The following VTI1B variants were observed in gnomAD, a reference collection of about 807,000 sequenced individuals.
VTI1B encodes the protein vesicle transport through interaction with t-SNAREs homolog 1B.
A neutral mutation model predicts 28.6 loss-of-function variants in VTI1B; 18 were observed. The ratio of observed to expected loss-of-function variants is 0.63; its 90% CI spans 0.43 to 0.93. The LOEUF (loss-of-function observed/expected upper bound fraction) is 0.93. VTI1B is among the 40% of genes least tolerant of loss of function. The pLI is 0.00. For missense variants in VTI1B, 283 were observed against 297.0 expected (o/e 0.95, Z 0.35); for synonymous variants, 100 against 107.9 (o/e 0.93, Z 0.46).
At chr14:67,656,044 G>A (rs11628860) in intron 4 of VTI1B, among the ~76,000 whole-genome samples, 19,389 of 151,950 alleles carry the variant, frequency 0.13, 1,292 homozygotes, top group East Asian at 0.22. Context: ...TTAGGAGTTC[G>A]AGACCAGCCT....
At chr14:67,659,709 A>G in intron 3 of VTI1B, 22 bp downstream of exon 3, 2 of 1,570,570 alleles carry the variant, frequency 1.3e-6, no homozygotes, top group Non-Finnish European at 1.7e-6. Flanking sequence ...AAAAAAAAAC[A>G]AACAAAACAG....
At chr14:67,663,001 T>A (rs2037358598) in intron 1 of VTI1B, 1 of 1,408,290 alleles carries the variant, frequency 7.1e-7, no homozygotes, top group African/African-American at 1.5e-5. Flanking sequence ...CGTACACTAC[T>A]TTTCTGCAAA....
At chr14:67,655,304 G>A (rs2037241299) in intron 4 of VTI1B, among the ~76,000 whole-genome samples, 1 of 152,090 alleles carries the variant, frequency 6.6e-6, no homozygotes, top group Non-Finnish European at 1.5e-5. Flanking sequence ...TCCAGCCTGG[G>A]TGACAGAGCA....
chr14:67,674,307 G>A (rs763879519), intron 1 of VTI1B, 68 bp downstream of exon 1: 139 of 1,395,422 alleles, frequency 1.0e-4, no homozygotes, highest in Non-Finnish European at 1.2e-4. Flanking sequence ...TGGGAGGAAG[G>A]TGGGAGAATC....
In VTI1B at chr14:67,655,705, G is replaced by C. The variant is rs549066302; in HGVS notation, c.540+711C>G. On this transcript the variant is annotated intron_variant, in intron 4 of 5. Coordinates refer to ENST00000554659, the MANE Select transcript of VTI1B (RefSeq NM_006370.3). ...GTAAGAATAGCAGAATACCCTATTA[G>C]ATGTGTGAGAAATTAAAATCTCAGA... Among the ~76,000 whole-genome samples, 9 of 152,294 alleles carry C rather than the reference G, an allele frequency of 5.9e-5. No individual in the cohort carries two copies. The South Asian group carries it at 1.9e-3, about 32-fold the overall frequency.
chr14:67,674,481 G>A lies in VTI1B; in HGVS notation c.9C>T (p.Ser3=). The change falls in exon 1 of 6, where the codon TCC becomes TCT. Residue 3 remains serine, a synonymous_variant. Coordinates refer to ENST00000554659, the MANE Select transcript of VTI1B (RefSeq NM_006370.3). MA[S]SAASSEHFEK... ...CGAAATGCTCCGAGGAGGCGGCGGA[G>A]GAGGCCATGGCGCAGGCCGCGCTGG... is the stretch of plus-strand genomic sequence containing the variant. 1 of 1,604,906 alleles carries A rather than the reference G, an allele frequency of 6.2e-7. No homozygotes were observed. Among genetic ancestry groups the A allele is most frequent in the Non-Finnish European group, 8.5e-7 (1 of 1,176,982 alleles).
chr14:67,654,594 A>G (rs1231951774), intron 4 of VTI1B, among the ~76,000 whole-genome samples: 1 of 152,186 alleles, frequency 6.6e-6, no homozygotes, highest in Non-Finnish European at 1.5e-5. Flanking sequence ...CTTAATGGAG[A>G]ACTGAAGCTA....
intron 5 of VTI1B, among the ~76,000 whole-genome samples, chr14:67,651,989 C>T (rs539227634): frequency 2.0e-5 from 3 of 152,322 alleles, no homozygotes; most frequent in African/African-American, 7.2e-5. Flanking sequence ...CATAAAGAAT[C>T]CAACCTCTGG....
Position 67,650,324 on chromosome 14 carries a change from C to T in VTI1B, c.*1061G>A, listed in dbSNP as rs564027459. ...ATTTCCTCTGCCTTCATACTTGATT[C>T]ATTTCCAGGCAGGCATCTGGAAGGT... is the stretch of plus-strand genomic sequence containing the variant. On this transcript the variant is annotated 3_prime_UTR_variant, in exon 6 of 6. Coordinates refer to ENST00000554659, the MANE Select transcript of VTI1B (RefSeq NM_006370.3). 1 of 246,106 alleles carries T rather than the reference C, an allele frequency of 4.1e-6. No individual in the cohort carries two copies. The highest frequency in any genetic ancestry group is 5.1e-5 in the Admixed American group (1 of 19,634). 15.2% of individuals were successfully genotyped at this position (246,106 alleles called of 1,614,324 possible).
chr14:67,650,453 T>C lies in VTI1B; in HGVS notation c.*932A>G. ...CCTTTTCCAGAACGCCTGACAATTA[T>C]GCCTGTTATGTTAGTTGAACAGGGA... On this transcript the variant is annotated 3_prime_UTR_variant, in exon 6 of 6. Transcript: ENST00000554659. 4.3e-6 allele frequency: 2 copies of C among 465,862 alleles called. No homozygotes were observed. The highest frequency in any genetic ancestry group is 2.8e-5 in the South Asian group (1 of 36,280). The allele number at this position is 465,862 out of a possible 1,614,324, so 28.9% of individuals were successfully genotyped here.
chr14:67,653,192 T>C (rs2037210087), intron 5 of VTI1B, among the ~76,000 whole-genome samples: 1 of 152,202 alleles, frequency 6.6e-6, no homozygotes, highest in South Asian at 2.1e-4. Context: ...AGTGGAGAAA[T>C]TTTTCACTGC....
rs1379752565 is a variant in VTI1B, at chr14:67,667,771, T to C, written c.116-5236A>G. Among the ~76,000 whole-genome samples the C allele has an allele frequency of 2.6e-5, 4 of 152,014 alleles. No individual in the cohort carries two copies. In the South Asian group the frequency reaches 6.2e-4, roughly 24 times the overall value. On this transcript the variant is annotated intron_variant, in intron 1 of 5. Transcript: ENST00000554659. The stretch of plus-strand genomic sequence containing the variant: ...CATCCTGGGTGACACAGTGAAACCC[T>C]GTCTCTACTAAAAATACAAAAACTT...
At position 67,647,837 on chromosome 14, in the gene VTI1B, G is replaced by C; in HGVS notation, c.*3548C>G. The C allele has an allele frequency of 1.8e-6, 1 of 568,090 alleles. No homozygotes were observed. The allele number at this position is 568,090 out of a possible 1,614,324, so 35.2% of individuals were successfully genotyped here. A position where few individuals can be genotyped will look rare whatever the true frequency, so the allele number is the denominator to read the frequency against. The stretch of plus-strand genomic sequence containing the variant: ...TCTGAGGTATGCAGAACAAATGGCA[G>C]TATCATGAAGTGGTATGTAGGAAGT... On this transcript the variant is annotated 3_prime_UTR_variant, in exon 6 of 6. Transcript: ENST00000554659.
At chr14:67,660,130 C>T (rs887838903) in intron 2 of VTI1B, 5 of 510,488 alleles carry the variant, frequency 9.8e-6, no homozygotes, top group Admixed American at 7.3e-5. Context: ...AGCAGGCATT[C>T]GAGTATATGA....
Position 67,656,509 on chromosome 14 carries a change from A to G in VTI1B, c.447T>C (p.Ser149=). The change falls in exon 4 of 6, where the codon TCT becomes TCC. Residue 149 remains serine (S), a synonymous_variant. Transcript: ENST00000554659. ...LNRATQSIER[S]HRIATETDQI... The stretch of plus-strand genomic sequence containing the variant: ...GGTCAGTCTCTGTGGCAATCCGATG[A>G]GAACGTTCAATACTTTGGGTGGCCC... 3.1e-6 allele frequency: 5 copies of G among 1,614,012 alleles called. No homozygotes were observed. Among genetic ancestry groups the G allele is most frequent in the Non-Finnish European group, 4.2e-6 (5 of 1,179,938 alleles).
At chr14:67,658,465 T>C (rs1337876397) in intron 3 of VTI1B, among the ~76,000 whole-genome samples, 2 of 151,816 alleles carry the variant, frequency 1.3e-5, no homozygotes, top group Non-Finnish European at 2.9e-5. Flanking sequence ...GGCGTGGTGG[T>C]GGGCGCCTGT....
intron 1 of VTI1B, among the ~76,000 whole-genome samples, chr14:67,663,606 G>A (rs974668708): frequency 2.9e-4 from 44 of 152,216 alleles, no homozygotes; most frequent in Non-Finnish European, 5.9e-5. Context: ...CCCAGGAGGC[G>A]GAGCTTGCAG....
chr14:67,651,205 CTGT>C lies in VTI1B; in HGVS notation c.*177_*179del, dbSNP rs140554394. 11,516 of 1,230,956 alleles carry C rather than the reference CTGT, an allele frequency of 9.4e-3. 580 individuals carry two copies. In the African/African-American group the frequency reaches 0.13, roughly 14 times the overall value. 76.3% of individuals were successfully genotyped at this position (1,230,956 alleles called of 1,614,324 possible). On this transcript the variant is annotated 3_prime_UTR_variant, in exon 6 of 6. Transcript: ENST00000554659. ...TTGGTATATCATACTGGTCTTGTTG[CTGT>C]TGTTCCTTCACATTTAAGTGGTTTT...
intron 1 of VTI1B, chr14:67,663,089 A>G (rs1173053577): frequency 2.7e-6 from 4 of 1,494,880 alleles, no homozygotes; most frequent in African/African-American, 1.4e-5. Context: ...GGCACCGGCA[A>G]TGACTTGAAC....
Sources: gnomAD v4.1 joint callset for allele counts (sites outside exome capture counted in the v4.1 genomes callset) on GRCh38, gnomAD v4.1.1 for gene constraint, MANE v1.5 for transcripts, NCBI Gene and HGNC (gene_info 2026-07-23, HGNC 2026-07-21) for gene names.